Variants in PCDH7 observed in about 807,000 individuals in gnomAD.
PCDH7 encodes the protein protocadherin-7.
PCDH7 carries 17 observed loss-of-function variants against 58.9 expected under a neutral mutation model. The observed-to-expected ratio is 0.29, with a 90% CI of 0.20 to 0.43. The LOEUF (loss-of-function observed/expected upper bound fraction) is 0.43, where lower values mean the gene tolerates loss of function less well. PCDH7 is among the 20% of genes least tolerant of loss of function. The pLI, the probability that PCDH7 is intolerant of heterozygous loss-of-function variation, is 1.00. For synonymous variants in PCDH7, 664 were observed against 616.4 expected (o/e 1.08, Z -1.14); for missense variants, 1,274 against 1,441.0 (o/e 0.88, Z 1.88).
intron 1 of PCDH7, among the ~76,000 whole-genome samples, chr4:30,904,375 G>T (rs1037227685): frequency 2.0e-5 from 3 of 151,960 alleles, no homozygotes; most frequent in Non-Finnish European, 2.9e-5. Context: ...ACTACCCATG[G>T]TGAATAGAAT....
chr4:31,073,043 A>C (rs1758683558), intron 3 of PCDH7, among the ~76,000 whole-genome samples: 1 of 152,186 alleles, frequency 6.6e-6, no homozygotes, highest in South Asian at 2.1e-4. Context: ...GAGAAGCTGA[A>C]TGTGGCCTAG....
chr4:31,111,523 T>C (rs1716317999), intron 3 of PCDH7, among the ~76,000 whole-genome samples: 1 of 152,122 alleles, frequency 6.6e-6, no homozygotes, highest in Non-Finnish European at 1.5e-5. Flanking sequence ...TTGGCCAGGC[T>C]GGTCTCAAAT....
At chr4:30,979,325 C>CAAAAAAAA (rs80272564) in intron 3 of PCDH7, among the ~76,000 whole-genome samples, 1 of 96,632 alleles carries the variant, frequency 1.0e-5, no homozygotes, top group Non-Finnish European at 2.1e-5. Context: ...AACTCTGTCT[C>CAAAAAAAA]AAAAAAAAAA....
At chr4:30,847,537 T>C (rs1732145111) in intron 1 of PCDH7, among the ~76,000 whole-genome samples, 1 of 152,146 alleles carries the variant, frequency 6.6e-6, no homozygotes, top group Non-Finnish European at 1.5e-5. Flanking sequence ...CAATGCAATG[T>C]GAATAGTATA....
At chr4:30,974,543 TG>T (rs1283498519) in intron 3 of PCDH7, among the ~76,000 whole-genome samples, 3 of 152,198 alleles carry the variant, frequency 2.0e-5, no homozygotes, top group Non-Finnish European at 4.4e-5. Context: ...TCATGGGACT[TG>T]ACTAACTAGA....
chr4:30,734,596 G>A (rs1262342025), downstream of PCDH7, among the ~76,000 whole-genome samples: 1 of 151,998 alleles, frequency 6.6e-6, no homozygotes, highest in Non-Finnish European at 1.5e-5. Context: ...ACAACAACTA[G>A]AATAAGTTCC....
intron 3 of PCDH7, among the ~76,000 whole-genome samples, chr4:31,091,553 T>C (rs1031820636): frequency 1.3e-5 from 2 of 151,890 alleles, no homozygotes; most frequent in Admixed American, 1.3e-4. Context: ...TTTCAAACTT[T>C]TATTAATCAA....
chr4:30,809,353 G>T lies in PCDH7; in HGVS notation c.70+84757G>T, dbSNP rs770157872. Among the ~76,000 whole-genome samples the T allele has an allele frequency of 3.9e-5, 6 of 152,200 alleles. No individual in the cohort carries two copies. The East Asian group carries it at 1.2e-3, about 29-fold the overall frequency. On this transcript the variant is annotated intron_variant, in intron 1 of 3. Coordinates refer to the PCDH7 transcript ENST00000509759. ...CCTAAGTCTCTCCCCTGAAAAGAGG[G>T]AAAGGGAAGTGACATTCCTGACCTT...
chr4:30,795,347 A>G (rs1008497149), intron 1 of PCDH7, among the ~76,000 whole-genome samples: 1 of 152,202 alleles, frequency 6.6e-6, no homozygotes, highest in Non-Finnish European at 1.5e-5. Context: ...TGGGTAAGTG[A>G]ACATTTTACG....
intron 1 of PCDH7, among the ~76,000 whole-genome samples, chr4:30,867,810 C>T (rs955671385): frequency 2.0e-5 from 3 of 152,000 alleles, no homozygotes; most frequent in African/African-American, 7.2e-5. Flanking sequence ...TAGGGCTATT[C>T]AAAAGAGATA....
intron 1 of PCDH7, among the ~76,000 whole-genome samples, chr4:30,888,010 G>A (rs959729748): frequency 6.6e-6 from 1 of 151,872 alleles, no homozygotes; most frequent in Non-Finnish European, 1.5e-5. Context: ...CGAGTAGCTG[G>A]GACTACAGGC....
At chr4:30,790,956 CAAT>C (rs1724046669) in intron 1 of PCDH7, among the ~76,000 whole-genome samples, 1 of 151,722 alleles carries the variant, frequency 6.6e-6, no homozygotes, top group Non-Finnish European at 1.5e-5. Context: ...AAACAAAAAA[CAAT>C]AAATAAATAA....
At chr4:31,036,967 T>TCA (rs1755460829) in intron 3 of PCDH7, among the ~76,000 whole-genome samples, 1 of 152,066 alleles carries the variant, frequency 6.6e-6, no homozygotes, top group Non-Finnish European at 1.5e-5. Context: ...TTATTCACTG[T>TCA]CACAAGAATA....
chr4:30,887,037 G>A (rs1386118147), intron 1 of PCDH7, among the ~76,000 whole-genome samples: 1 of 149,102 alleles, frequency 6.7e-6, no homozygotes, highest in Non-Finnish European at 1.5e-5. Context: ...GCTAGATGAC[G>A]AGTTAGTGGG....
chr4:31,074,965 C>A (rs529403762), intron 3 of PCDH7, among the ~76,000 whole-genome samples: 75 of 151,728 alleles, frequency 4.9e-4, no homozygotes, highest in Non-Finnish European at 8.2e-4. Context: ...TATAATCAAC[C>A]ATGTCCTTCT....
At chr4:31,007,507 T>C (rs1460977305) in intron 3 of PCDH7, among the ~76,000 whole-genome samples, 2 of 152,082 alleles carry the variant, frequency 1.3e-5, no homozygotes, top group Admixed American at 1.3e-4. Context: ...AAATAACTTA[T>C]GTCCAGTTTT....
chr4:30,971,874 A>G (rs1022225370), intron 3 of PCDH7, among the ~76,000 whole-genome samples: 10 of 152,182 alleles, frequency 6.6e-5, no homozygotes, highest in African/African-American at 2.4e-4. Context: ...AGATGTGAGG[A>G]TCACCTGAGC....
chr4:30,904,855 T>C lies in PCDH7; in HGVS notation c.71-15298T>C, dbSNP rs1251545327. Among the ~76,000 whole-genome samples the C allele has an allele frequency of 3.9e-5, 6 of 152,290 alleles. No individual in the cohort carries two copies. The East Asian group carries it at 1.2e-3, about 29-fold the overall frequency. Reference sequence around the variant, plus strand: ...GTCAGGTTTCAGTTCAGCTTAATAATTTAATGCTTAACTAACACTTCAGAA... The same window carrying C: ...GTCAGGTTTCAGTTCAGCTTAATAACTTAATGCTTAACTAACACTTCAGAA... On this transcript the variant is annotated intron_variant, in intron 1 of 3. Transcript: ENST00000509759.
intron 2 of PCDH7, among the ~76,000 whole-genome samples, chr4:30,947,649 G>C (rs749143008): frequency 1.3e-4 from 20 of 152,152 alleles, no homozygotes; most frequent in Non-Finnish European, 2.6e-4. Flanking sequence ...AATCACATCA[G>C]AGTAATTAGC....
Sources: allele counts gnomAD v4.1 joint callset (sites outside exome capture counted in the v4.1 genomes callset), GRCh38; gene constraint gnomAD v4.1.1; transcripts MANE v1.5; gene names NCBI Gene and HGNC (gene_info 2026-07-23, HGNC 2026-07-21).